PACRG: variants seen among roughly 807,000 people sequenced by gnomAD.
PACRG encodes the protein parkin coregulated gene protein.
Under a neutral mutation model 29.7 loss-of-function variants are expected in PACRG, and 29 were observed. The observed-to-expected ratio is 0.98, with a 90% CI of 0.73 to 1.33. The LOEUF is 1.33. Among genes scored for constraint, PACRG ranks in the 40% most tolerant of loss-of-function variants. The probability of loss-of-function intolerance (pLI) is 0.00; values close to 1 mark genes in which losing one functional copy is unlikely to be tolerated. For missense variants in PACRG, 279 were observed against 316.2 expected, an observed-to-expected ratio of 0.88 and a Z score of 0.89; for synonymous variants, 116 against 118.7, an observed-to-expected ratio of 0.98 and a Z score of 0.15.
intron 2 of PACRG, among the ~76,000 whole-genome samples, chr6:162,911,983 G>A (rs963576880): frequency 5.9e-5 from 9 of 152,134 alleles, no homozygotes; most frequent in Admixed American, 2.0e-4. Context: ...CTCTACTTCC[G>A]CTCTTCTGCC....
chr6:163,025,732 G>A (rs1807064854), intron 2 of PACRG, among the ~76,000 whole-genome samples: 1 of 152,246 alleles, frequency 6.6e-6, no homozygotes. Flanking sequence ...GTGCTGAGGG[G>A]CTGTGGTTCC....
At position 162,787,622 on chromosome 6, in the gene PACRG, G is replaced by A. The variant is rs865977047; in HGVS notation, c.157-26525G>A. Among the ~76,000 whole-genome samples the A allele has an allele frequency of 3.7e-3, 243 of 66,156 alleles. 3 individuals carry two copies. Among genetic ancestry groups the A allele is most frequent in the South Asian group, 0.031 (57 of 1,830 alleles). 43.4% of individuals were successfully genotyped at this position (66,156 alleles called of 152,430 possible). ...TATATATATATATATATATATATAT[G>A]GTTGTCCTCTCTCTTTTGCTAGGCA... On this transcript the variant is annotated intron_variant, in intron 1 of 4. Coordinates refer to ENST00000366888, the MANE Select transcript of PACRG (RefSeq NM_001080379.2).
intron 2 of PACRG, among the ~76,000 whole-genome samples, chr6:162,964,962 C>T (rs7742312): frequency 0.16 from 23,709 of 152,180 alleles, 3,248 homozygotes; most frequent in African/African-American, 0.36. Flanking sequence ...GTATCTGCTG[C>T]TGTCTCCTCT....
chr6:163,211,984 T>C (rs561019812), intron 4 of PACRG, among the ~76,000 whole-genome samples: 1 of 152,168 alleles, frequency 6.6e-6, no homozygotes, highest in African/African-American at 2.4e-5. Flanking sequence ...AAGACATCTG[T>C]GTGGTTGGGA....
intron 4 of PACRG, among the ~76,000 whole-genome samples, chr6:163,201,169 T>A (rs979597906): frequency 1.3e-5 from 2 of 152,216 alleles, no homozygotes; most frequent in African/African-American, 2.4e-5. Context: ...TAAAGCAGTA[T>A]TACAAGAAGA....
intron 4 of PACRG, chr6:163,245,314 T>A: frequency 4.7e-6 from 1 of 211,460 alleles, no homozygotes; most frequent in Non-Finnish European, 9.7e-6. Context: ...TATGCCATTT[T>A]CAGAGACATA....
At chr6:163,131,437 G>C (rs1337606504) in intron 4 of PACRG, among the ~76,000 whole-genome samples, 2 of 152,122 alleles carry the variant, frequency 1.3e-5, no homozygotes, top group East Asian at 3.9e-4. Context: ...AGAGGGGGCC[G>C]ATGCAGCTTC....
chr6:162,876,096 G>T (rs1793326594), intron 2 of PACRG, among the ~76,000 whole-genome samples: 1 of 152,154 alleles, frequency 6.6e-6, no homozygotes, highest in South Asian at 2.1e-4. Context: ...GGGTATCACT[G>T]TTCTCATGTG....
chr6:162,727,523 G>A (rs1042482259), upstream of PACRG: 17 of 959,282 alleles, frequency 1.8e-5, no homozygotes, highest in Admixed American at 2.5e-5. Context: ...CCGGCGGCGC[G>A]GGCCGGGGAC....
At chr6:163,035,791 G>A (rs1417353827) in intron 2 of PACRG, among the ~76,000 whole-genome samples, 1 of 120,780 alleles carries the variant, frequency 8.3e-6, no homozygotes, top group African/African-American at 3.1e-5. Flanking sequence ...CAGCCTGGGT[G>A]ACAAGAGTGA....
intron 4 of PACRG, among the ~76,000 whole-genome samples, chr6:163,126,970 C>T: frequency 6.6e-6 from 1 of 152,202 alleles, no homozygotes; most frequent in Non-Finnish European, 1.5e-5. Flanking sequence ...GAGCCCCTCC[C>T]CATCTCTCAC....
intron 4 of PACRG, among the ~76,000 whole-genome samples, chr6:163,140,030 C>T (rs1817090021): frequency 6.6e-6 from 1 of 152,182 alleles, no homozygotes; most frequent in Admixed American, 6.5e-5. Context: ...AAGCTTTCCC[C>T]AGTCAACCCA....
At chr6:163,041,303 C>T (rs557305916) in intron 2 of PACRG, among the ~76,000 whole-genome samples, 8 of 152,104 alleles carry the variant, frequency 5.3e-5, no homozygotes, top group East Asian at 1.9e-4. Context: ...TGCCACTGCA[C>T]TCCAGCCTGG....
chr6:163,064,994 T>G (rs1285225086), intron 3 of PACRG, among the ~76,000 whole-genome samples: 1 of 152,190 alleles, frequency 6.6e-6, no homozygotes, highest in Non-Finnish European at 1.5e-5. Flanking sequence ...AATGAGAAAT[T>G]GACACATTTA....
intron 1 of PACRG, among the ~76,000 whole-genome samples, chr6:162,809,064 G>A (rs1049127229): frequency 2.0e-5 from 3 of 151,946 alleles, no homozygotes; most frequent in Non-Finnish European, 4.4e-5. Flanking sequence ...AATAAATTAT[G>A]TATAGAATAT....
At chr6:163,188,811 A>C (rs937734630) in intron 4 of PACRG, among the ~76,000 whole-genome samples, 4 of 152,232 alleles carry the variant, frequency 2.6e-5, no homozygotes, top group Non-Finnish European at 4.4e-5. Context: ...TTGCCCATCC[A>C]GATAGCATTC....
rs551098630 is a variant in PACRG, at chr6:163,311,423, C to A, written c.614-3404C>A. Among the ~76,000 whole-genome samples the A allele has an allele frequency of 9.8e-5, 15 of 152,308 alleles. No homozygotes were observed. The East Asian group carries it at 2.7e-3, about 27-fold the overall frequency. ...TTGTAAATAACCATTTGGGTTTATT[C>A]GTTTTAATGTCCTATTCTCACAAAC... On this transcript the variant is annotated intron_variant, in intron 4 of 4. Transcript: ENST00000366888.
intron 4 of PACRG, among the ~76,000 whole-genome samples, chr6:163,174,162 T>A (rs1217209659): frequency 6.6e-6 from 1 of 152,224 alleles, no homozygotes; most frequent in African/African-American, 2.4e-5. Flanking sequence ...CTGGGCCACA[T>A]TAGAAGAAGA....
At chr6:162,915,652 T>C (rs1796647526) in intron 2 of PACRG, among the ~76,000 whole-genome samples, 1 of 152,142 alleles carries the variant, frequency 6.6e-6, no homozygotes, top group African/African-American at 2.4e-5. Flanking sequence ...TGAATATGTT[T>C]GTATTGCATG....
Sources: allele counts gnomAD v4.1 joint callset (sites outside exome capture counted in the v4.1 genomes callset), GRCh38; gene constraint gnomAD v4.1.1; transcripts MANE v1.5; gene names NCBI Gene and HGNC (gene_info 2026-07-23, HGNC 2026-07-21).